Variants in SH3RF2 observed in about 807,000 individuals in gnomAD.
SH3RF2 encodes the protein SH3 domain containing ring finger 2, also known as E3 ubiquitin-protein ligase SH3RF2.
A neutral mutation model predicts 59.0 loss-of-function variants in SH3RF2; 43 were observed. The observed-to-expected ratio is 0.73, with a 90% confidence interval of 0.57 to 0.94. The LOEUF (loss-of-function observed/expected upper bound fraction) is 0.94. SH3RF2 is among the 40% of genes least tolerant of loss of function. The pLI is 0.00. For missense variants in SH3RF2, 930 were observed against 940.1 expected (o/e 0.99, Z 0.14); for synonymous variants, 391 against 391.5 (o/e 1.00, Z 0.01).
chr5:145,941,351 C>A (rs78707347), intron 2 of SH3RF2, among the ~76,000 whole-genome samples: 1 of 152,138 alleles, frequency 6.6e-6, no homozygotes, highest in Non-Finnish European at 1.5e-5. Flanking sequence ...GCCTATTGTG[C>A]CTACATGTCT....
chr5:146,040,783 G>T (rs1052120430), intron 5 of SH3RF2, among the ~76,000 whole-genome samples: 2 of 152,184 alleles, frequency 1.3e-5, no homozygotes, highest in African/African-American at 4.8e-5. Context: ...AACAGGGAGG[G>T]TTGCAGGCAG....
intron 5 of SH3RF2, among the ~76,000 whole-genome samples, chr5:146,027,883 C>T (rs1761587942): frequency 6.6e-6 from 1 of 152,212 alleles, no homozygotes; most frequent in East Asian, 1.9e-4. Context: ...CAGCCCTGCC[C>T]AACCTCCCCG....
rs1272718738 is a variant in SH3RF2, at chr5:145,960,226, T to A, written c.378+21920T>A. Among the ~76,000 whole-genome samples the A allele has an allele frequency of 3.3e-5, 5 of 152,292 alleles. No individual in the cohort carries two copies. In the South Asian group the frequency reaches 1.0e-3, roughly 32 times the overall value. ...TGCCACTATGCCCAGCTGTTCAACTTCTAAATTTTGAAGCAAGTTCTGCCA... is the reference window on the plus strand; with the variant it reads ...TGCCACTATGCCCAGCTGTTCAACTACTAAATTTTGAAGCAAGTTCTGCCA... On this transcript the variant is annotated intron_variant, in intron 2 of 9. Coordinates refer to ENST00000359120, the MANE Select transcript of SH3RF2 (RefSeq NM_152550.4).
Position 145,959,649 on chromosome 5 carries a change from A to G in SH3RF2, c.378+21343A>G, listed in dbSNP as rs201286197. ...TGTGTGTGTGTGTGTGTGTGTGTGT[A>G]TGTGTGTGTGTGTATACATATATAT... On this transcript the variant is annotated intron_variant, in intron 2 of 9. Coordinates refer to ENST00000359120, the MANE Select transcript of SH3RF2 (RefSeq NM_152550.4). Among the ~76,000 whole-genome samples the G allele has an allele frequency of 4.8e-3, 616 of 128,594 alleles. 5 individuals carry two copies. The highest frequency in any genetic ancestry group is 0.017 in the African/African-American group (538 of 32,222). The allele number at this position is 128,594 out of a possible 152,430, so 84.4% of individuals were successfully genotyped here. A position where few individuals can be genotyped will look rare whatever the true frequency, so the allele number is the denominator to read the frequency against.
chr5:145,993,192 C>T (rs1248906418), intron 2 of SH3RF2, among the ~76,000 whole-genome samples: 4 of 152,304 alleles, frequency 2.6e-5, no homozygotes, highest in Non-Finnish European at 4.4e-5. Flanking sequence ...ATCCAGATCA[C>T]GCTAATGCAA....
rs150842458 is a variant in SH3RF2, at chr5:145,960,471, A to G, written c.378+22165A>G. Among the ~76,000 whole-genome samples, 24 of 152,302 alleles carry G rather than the reference A, an allele frequency of 1.6e-4. No individual in the cohort carries two copies. The East Asian group carries it at 4.6e-3, about 29-fold the overall frequency. On this transcript the variant is annotated intron_variant, in intron 2 of 9. Coordinates refer to ENST00000359120, the MANE Select transcript of SH3RF2 (RefSeq NM_152550.4). ...GTTCAATGCCTGGCCCTTAATCAACATATTTTGGACTTAAATGATCCAGAA... is the reference window on the plus strand; with the variant it reads ...GTTCAATGCCTGGCCCTTAATCAACGTATTTTGGACTTAAATGATCCAGAA...
chr5:145,949,894 GA>G (rs975563072), intron 2 of SH3RF2, among the ~76,000 whole-genome samples: 3 of 152,234 alleles, frequency 2.0e-5, no homozygotes, highest in African/African-American at 7.2e-5. Flanking sequence ...CAAACACTAA[GA>G]TTTTTTTCAC....
chr5:146,045,976 C>T (rs1762288652), intron 5 of SH3RF2, among the ~76,000 whole-genome samples: 1 of 152,214 alleles, frequency 6.6e-6, no homozygotes, highest in South Asian at 2.1e-4. Context: ...TTTATACCTC[C>T]TCCCCAACAC....
chr5:145,944,822 C>T (rs770583482), intron 2 of SH3RF2, among the ~76,000 whole-genome samples: 9 of 152,238 alleles, frequency 5.9e-5, no homozygotes, highest in Non-Finnish European at 1.0e-4. Context: ...ATTTGAGAAA[C>T]GCTGTCTCAG....
intron 7 of SH3RF2, 31 bp downstream of exon 7, chr5:146,049,276 G>A (rs1479781556): frequency 6.3e-7 from 1 of 1,577,604 alleles, no homozygotes; most frequent in East Asian, 2.2e-5. Context: ...GACTTTGGGA[G>A]GTTGGGCCAC....
chr5:146,030,353 C>A (rs1198282188), intron 5 of SH3RF2, among the ~76,000 whole-genome samples: 1 of 152,178 alleles, frequency 6.6e-6, no homozygotes, highest in East Asian at 1.9e-4. Context: ...ACTCAGGTGA[C>A]AAACCCTAAA....
At chr5:146,053,836 C>A (rs141674016) in intron 7 of SH3RF2, among the ~76,000 whole-genome samples, 23 of 152,254 alleles carry the variant, frequency 1.5e-4, no homozygotes, top group African/African-American at 5.1e-4. Flanking sequence ...TAACTCTACA[C>A]AAAGCTATAC....
At chr5:145,954,663 C>T (rs1395923186) in intron 2 of SH3RF2, among the ~76,000 whole-genome samples, 1 of 152,148 alleles carries the variant, frequency 6.6e-6, no homozygotes, top group Non-Finnish European at 1.5e-5. Flanking sequence ...CCTAGGTTGT[C>T]TTCCAGGATT....
At chr5:145,982,915 C>T (rs921601033) in intron 2 of SH3RF2, among the ~76,000 whole-genome samples, 1 of 152,094 alleles carries the variant, frequency 6.6e-6, no homozygotes, top group African/African-American at 2.4e-5. Flanking sequence ...AAGACCTATT[C>T]TAGATCTTAA....
chr5:146,080,065 A>G (rs1477240570), exon 10 of SH3RF2: 2 of 152,204 alleles, frequency 1.3e-5, no homozygotes, highest in South Asian at 2.1e-4. Flanking sequence ...GATAAACCAG[A>G]TATTTTTTTA....
Position 146,013,730 on chromosome 5 carries a change from A to T in SH3RF2, c.745-17A>T, listed in dbSNP as rs757631086. ...ATCAGGAAGACAAACTTCTCATTGG[A>T]CCTTTTGTCTTTTCAGCCAAACCTC... On this transcript the variant is annotated splice_polypyrimidine_tract_variant and intron_variant, in intron 4 of 9. Transcript: ENST00000359120. The T allele has an allele frequency of 1.2e-6, 2 of 1,612,452 alleles. No homozygotes were observed. Among genetic ancestry groups the T allele is most frequent in the Non-Finnish European group, 1.7e-6 (2 of 1,179,580 alleles).
intron 2 of SH3RF2, among the ~76,000 whole-genome samples, chr5:145,993,987 A>G (rs951446618): frequency 3.3e-5 from 5 of 152,242 alleles, no homozygotes; most frequent in African/African-American, 1.2e-4. Context: ...ATAAAACTGA[A>G]TGCCTTTAAC....
At chr5:146,027,383 A>G (rs1761566491) in intron 5 of SH3RF2, among the ~76,000 whole-genome samples, 1 of 152,206 alleles carries the variant, frequency 6.6e-6, no homozygotes, top group Admixed American at 6.5e-5. Context: ...GCAAGCGTCC[A>G]AAGCCCATTG....
chr5:146,017,860 C>T (rs530353224), intron 5 of SH3RF2, among the ~76,000 whole-genome samples: 35 of 151,938 alleles, frequency 2.3e-4, no homozygotes, highest in Non-Finnish European at 3.7e-4. Flanking sequence ...TACTTCCAGT[C>T]TTGGCTTCAT....
Sources: gnomAD v4.1 joint callset for allele counts (sites outside exome capture counted in the v4.1 genomes callset) on GRCh38, gnomAD v4.1.1 for gene constraint, MANE v1.5 for transcripts, NCBI Gene and HGNC (gene_info 2026-07-23, HGNC 2026-07-21) for gene names.